The following RPL39L variants were observed in gnomAD, a reference collection of about 807,000 sequenced individuals.
RPL39L encodes the protein ribosomal protein eL39-like 2.
For synonymous variants in RPL39L, 16 were observed against 20.1 expected, an observed-to-expected ratio of 0.80 and a Z score of 0.55; for missense variants, 48 against 58.9, an observed-to-expected ratio of 0.81 and a Z score of 0.61.
intron 1 of RPL39L, among the ~76,000 whole-genome samples, chr3:187,133,300 T>C (rs11923083): frequency 0.33 from 49,429 of 151,884 alleles, 10,002 homozygotes; most frequent in African/African-American, 0.57. Context: ...ATCATGTGGG[T>C]GGTTTCCCCC....
At chr3:187,130,776 G>A (rs757102988) in intron 1 of RPL39L, among the ~76,000 whole-genome samples, 27 of 152,294 alleles carry the variant, frequency 1.8e-4, no homozygotes, top group South Asian at 4.1e-4. Flanking sequence ...TCTTCTGTAT[G>A]GCAGGTGGTT....
At chr3:187,134,059 A>G (rs1185872273) in intron 1 of RPL39L, among the ~76,000 whole-genome samples, 1 of 152,200 alleles carries the variant, frequency 6.6e-6, no homozygotes, top group Non-Finnish European at 1.5e-5. Flanking sequence ...ACACTCTCAG[A>G]TAACCTAAGT....
At chr3:187,131,505 C>T (rs2108469493) in intron 1 of RPL39L, among the ~76,000 whole-genome samples, 1 of 152,306 alleles carries the variant, frequency 6.6e-6, no homozygotes, top group South Asian at 2.1e-4. Flanking sequence ...CACTGCACTC[C>T]AGCCTGGGAG....
At chr3:187,123,229 T>G (rs568975236) in intron 2 of RPL39L, among the ~76,000 whole-genome samples, 1 of 152,154 alleles carries the variant, frequency 6.6e-6, no homozygotes, top group African/African-American at 2.4e-5. Flanking sequence ...AACAGATGAG[T>G]AGGCAACTAA....
chr3:187,121,191 T>C lies in RPL39L; in HGVS notation c.110A>G (p.Tyr37Cys), dbSNP rs1560198476. ...TCTCCAATGCCTCCTTTTGGAGTTG[T>C]ACCTGATTTTACTACCAGGTTTCAT... ...IQMKPGSKIRYNSKRRHWRRT... is the reference protein window; with the variant it reads ...IQMKPGSKIRCNSKRRHWRRT... Residue 37 changes from tyrosine to cysteine, a missense_variant, in exon 3 of 3, where the codon TAC becomes TGC. Tyr to Cys is a radical substitution (Grantham distance 194). Coordinates refer to ENST00000296277, the MANE Select transcript of RPL39L (RefSeq NM_052969.3). 1 of 1,613,956 alleles carries C rather than the reference T, an allele frequency of 6.2e-7. No homozygotes were observed.
chr3:187,121,107 T>A lies in RPL39L; in HGVS notation c.*38A>T. 6.2e-7 allele frequency: 1 copy of A among 1,608,116 alleles called. No homozygotes were observed. Among genetic ancestry groups the A allele is most frequent in the Non-Finnish European group, 8.5e-7 (1 of 1,176,340 alleles). On this transcript the variant is annotated 3_prime_UTR_variant, in exon 3 of 3. Coordinates refer to ENST00000296277, the MANE Select transcript of RPL39L (RefSeq NM_052969.3). ...TATCGTAAGATGATCGTGAACTTGA[T>A]ACAGCATAAATATGTGTGCCATCTC...
intron 1 of RPL39L, among the ~76,000 whole-genome samples, chr3:187,129,186 T>C (rs2108468769): frequency 6.6e-6 from 1 of 152,334 alleles, no homozygotes; most frequent in African/African-American, 2.4e-5. Flanking sequence ...CACTGCAATT[T>C]CAAGATAATA....
Position 187,139,390 on chromosome 3 carries a change from T to G in RPL39L, c.-270A>C, listed in dbSNP as rs1214939327. 6.6e-6 allele frequency: 1 copy of G among 151,692 alleles called. No individual in the cohort carries two copies. Among genetic ancestry groups the G allele is most frequent in the African/African-American group, 2.4e-5 (1 of 40,878 alleles). 9.4% of individuals were successfully genotyped at this position (151,692 alleles called of 1,614,324 possible). A position where few individuals can be genotyped will look rare whatever the true frequency, so the allele number is the denominator to read the frequency against. ...CTGCAGCCACCTTGTCGCAGGGGCC[T>G]TGGTGTCTCTGAGACTCCGAGACGC... On this transcript the variant is annotated 5_prime_UTR_variant, in exon 1 of 3. Coordinates refer to ENST00000296277, the MANE Select transcript of RPL39L (RefSeq NM_052969.3).
At chr3:187,126,240 C>T (rs1720395745) in intron 2 of RPL39L, among the ~76,000 whole-genome samples, 1 of 151,618 alleles carries the variant, frequency 6.6e-6, no homozygotes, top group Non-Finnish European at 1.5e-5. Context: ...CAGCTCACTG[C>T]AACCTCTGCC....
chr3:187,122,037 T>G (rs1470202846), intron 2 of RPL39L, among the ~76,000 whole-genome samples: 1 of 152,242 alleles, frequency 6.6e-6, no homozygotes, highest in African/African-American at 2.4e-5. Context: ...AAAATATGAA[T>G]GTATACATTT....
chr3:187,132,044 A>G (rs778802377), intron 1 of RPL39L, among the ~76,000 whole-genome samples: 3 of 152,210 alleles, frequency 2.0e-5, no homozygotes, highest in Non-Finnish European at 2.9e-5. Flanking sequence ...TCGTCACACC[A>G]GATACAGAGC....
rs1425734929 is a variant in RPL39L, at chr3:187,128,041, C to T, written c.-71G>A. On this transcript the variant is annotated 5_prime_UTR_variant, in exon 2 of 3. Coordinates refer to ENST00000296277, the MANE Select transcript of RPL39L (RefSeq NM_052969.3). ...TTCCTACTCCAAAGAGGCAAAGATG[C>T]TTGCTTCTCTCCAAATAAAATCTGA... 6.6e-6 allele frequency: 1 copy of T among 152,112 alleles called. No homozygotes were observed. Among genetic ancestry groups the T allele is most frequent in the East Asian group, 1.9e-4 (1 of 5,192 alleles). The allele number at this position is 152,112 out of a possible 1,614,324, so 9.4% of individuals were successfully genotyped here. A position where few individuals can be genotyped will look rare whatever the true frequency, so the allele number is the denominator to read the frequency against.
chr3:187,121,256 C>G lies in RPL39L; in HGVS notation c.45G>C (p.Lys15Asn). The G allele has an allele frequency of 6.2e-7, 1 of 1,613,982 alleles. No homozygotes were observed. Among genetic ancestry groups the G allele is most frequent in the Non-Finnish European group, 8.5e-7 (1 of 1,179,892 alleles). Reference protein sequence around the residue: ...KTFTIKRFLAKKQKQNRPIPQ... With the variant: ...KTFTIKRFLANKQKQNRPIPQ... Reference sequence around the variant, plus strand: ...GGATGGGACGATTTTGCTTTTGTTTCTTGGCCAGGAATCGCTTAATGGTGA... The same window carrying G: ...GGATGGGACGATTTTGCTTTTGTTTGTTGGCCAGGAATCGCTTAATGGTGA... The change falls in exon 3 of 3, where the codon AAG becomes AAC. Residue 15 changes from lysine (K) to asparagine (N), a missense_variant. Lys to Asn is a moderately conservative substitution (Grantham distance 94). Coordinates refer to ENST00000296277, the MANE Select transcript of RPL39L (RefSeq NM_052969.3).
Position 187,132,257 on chromosome 3 carries a change from G to T in RPL39L, c.-92-4195C>A, listed in dbSNP as rs117094535. On this transcript the variant is annotated intron_variant, in intron 1 of 2. Coordinates refer to ENST00000296277, the MANE Select transcript of RPL39L (RefSeq NM_052969.3). The stretch of plus-strand genomic sequence containing the variant: ...ACACAGGCTTATTCACCCAGAGATG[G>T]TCAATATTAATGTTCAAAGATTACT... Among the ~76,000 whole-genome samples, 874 of 152,302 alleles carry T rather than the reference G, an allele frequency of 5.7e-3. 16 individuals carry two copies. The highest frequency in any genetic ancestry group is 0.053 in the East Asian group (274 of 5,190).
intron 1 of RPL39L, among the ~76,000 whole-genome samples, chr3:187,132,442 C>A (rs1422480929): frequency 6.6e-6 from 1 of 152,110 alleles, no homozygotes; most frequent in African/African-American, 2.4e-5. Context: ...TAGGTGCGGA[C>A]CCACCTCTTC....
In RPL39L at chr3:187,121,202, A is replaced by T. The variant is rs1240609977; in HGVS notation, c.99T>A (p.Ser33Arg). The change falls in exon 3 of 3, where the codon AGT becomes AGA. Residue 33 changes from serine to arginine, a missense_variant. By Grantham distance (110) the Ser-to-Arg change is moderately radical. Coordinates refer to ENST00000296277, the MANE Select transcript of RPL39L (RefSeq NM_052969.3). ...TCCTTTTGGAGTTGTACCTGATTTT[A>T]CTACCAGGTTTCATCTGAATCCACT... ...IPQWIQMKPG[S>R]KIRYNSKRRH... 6.2e-7 allele frequency: 1 copy of T among 1,613,798 alleles called. No individual in the cohort carries two copies. Among genetic ancestry groups the T allele is most frequent in the Non-Finnish European group, 8.5e-7 (1 of 1,179,868 alleles).
chr3:187,130,477 T>C (rs1389062209), intron 1 of RPL39L, among the ~76,000 whole-genome samples: 3 of 152,084 alleles, frequency 2.0e-5, no homozygotes, highest in African/African-American at 7.2e-5. Context: ...GTGAGTCTGG[T>C]CATTTAAAAG....
chr3:187,126,957 T>C (rs1311725912), intron 2 of RPL39L, among the ~76,000 whole-genome samples: 6 of 152,322 alleles, frequency 3.9e-5, no homozygotes, highest in African/African-American at 1.4e-4. Context: ...CCAGGAAATA[T>C]CAAACTTTGA....
chr3:187,133,271 C>G (rs987271429), intron 1 of RPL39L, among the ~76,000 whole-genome samples: 1 of 152,058 alleles, frequency 6.6e-6, no homozygotes, highest in African/African-American at 2.4e-5. Context: ...GAGGGAGGGA[C>G]CTGGTAGGAG....
Sources: gnomAD v4.1 joint callset for allele counts (sites outside exome capture counted in the v4.1 genomes callset) on GRCh38, gnomAD v4.1.1 for gene constraint, MANE v1.5 for transcripts, NCBI Gene and HGNC (gene_info 2026-07-23, HGNC 2026-07-21) for gene names.